MYO16: variants seen among roughly 807,000 people sequenced by gnomAD.
MYO16 encodes myosin XVI.
A neutral mutation model predicts 205.3 loss-of-function variants in MYO16; 94 were observed. The ratio of observed to expected loss-of-function variants is 0.46; its 90% CI spans 0.39 to 0.54. The LOEUF (loss-of-function observed/expected upper bound fraction) is 0.54. Ranked by LOEUF, MYO16 falls within the 20% of genes least tolerant of loss-of-function variation. The pLI, the probability that MYO16 is intolerant of heterozygous loss-of-function variation, is 0.00. For missense variants in MYO16, 2,315 were observed against 2,387.5 expected, an observed-to-expected ratio of 0.97 and a Z score of 0.63; for synonymous variants, 988 against 954.0, an observed-to-expected ratio of 1.04 and a Z score of -0.66.
At position 108,835,772 on chromosome 13, in the gene MYO16, C is replaced by T. The variant is rs190688362; in HGVS notation, c.1098-8571C>T. Among the ~76,000 whole-genome samples, 541 of 152,216 alleles carry T rather than the reference C, an allele frequency of 3.6e-3. 4 individuals are homozygous for T. Among genetic ancestry groups the T allele is most frequent in the Non-Finnish European group, 5.9e-3 (399 of 68,012 alleles). ...TGCTATGCTTTAGCAAAGAAACTGGCAGCATTTTGCCACGCCCTAAAGAAC... is the reference window on the plus strand; with the variant it reads ...TGCTATGCTTTAGCAAAGAAACTGGTAGCATTTTGCCACGCCCTAAAGAAC... On this transcript the variant is annotated intron_variant, in intron 9 of 34. Coordinates refer to ENST00000457511, the MANE Select transcript of MYO16 (RefSeq NM_001198950.3).
At chr13:108,963,781 T>C (rs1393552964) in intron 19 of MYO16, among the ~76,000 whole-genome samples, 3 of 152,124 alleles carry the variant, frequency 2.0e-5, no homozygotes, top group Non-Finnish European at 4.4e-5. Flanking sequence ...GTATCTATGA[T>C]TTCCTCTGCT....
intron 4 of MYO16, among the ~76,000 whole-genome samples, chr13:108,750,249 T>A (rs556926112): frequency 1.3e-5 from 2 of 152,298 alleles, no homozygotes; most frequent in East Asian, 3.9e-4. Context: ...TGAACCTTAA[T>A]GTATGTAAAC....
intron 6 of MYO16, among the ~76,000 whole-genome samples, chr13:108,798,325 G>A (rs1886852961): frequency 6.6e-6 from 1 of 152,270 alleles, no homozygotes; most frequent in East Asian, 1.9e-4. Context: ...AAATTGTTAT[G>A]TGCAAAAGAG....
At chr13:108,897,721 AGCTTGGG>A (rs1880497273) in intron 14 of MYO16, among the ~76,000 whole-genome samples, 1 of 152,164 alleles carries the variant, frequency 6.6e-6, no homozygotes. Context: ...ACATTTGTTA[AGCTTGGG>A]GCTGTGTGTG....
chr13:108,579,720 G>A, the MYO16 span, among the ~76,000 whole-genome samples: 8 of 152,148 alleles, frequency 5.3e-5, no homozygotes, highest in Non-Finnish European at 1.2e-4. Flanking sequence ...ATACAGGTGT[G>A]AGCCACCATG....
the MYO16 span, among the ~76,000 whole-genome samples, chr13:108,516,244 C>T: frequency 0.11 from 16,739 of 147,578 alleles, 1,128 homozygotes; most frequent in East Asian, 0.2. Flanking sequence ...ATTTTCCAGG[C>T]GCGTCCGTCA....
intron 12 of MYO16, among the ~76,000 whole-genome samples, chr13:108,879,789 C>T (rs1333564593): frequency 6.6e-6 from 1 of 152,144 alleles, no homozygotes; most frequent in African/African-American, 2.4e-5. Context: ...GATTCCAAGT[C>T]TTTGCCATTG....
intron 1 of MYO16, among the ~76,000 whole-genome samples, chr13:108,612,714 G>T (rs1879220103): frequency 6.6e-6 from 1 of 151,560 alleles, no homozygotes; most frequent in Admixed American, 6.6e-5. Flanking sequence ...GTTGGGAGGG[G>T]TAGGCTCTGA....
At chr13:108,520,392 A>G in the MYO16 span, among the ~76,000 whole-genome samples, 1 of 152,264 alleles carries the variant, frequency 6.6e-6, no homozygotes, top group Non-Finnish European at 1.5e-5. Context: ...AAAAAAATCC[A>G]ATTTATGTGT....
chr13:108,821,769 C>T (rs1875984116), intron 8 of MYO16, among the ~76,000 whole-genome samples: 1 of 152,136 alleles, frequency 6.6e-6, no homozygotes, highest in Admixed American at 6.6e-5. Context: ...GGTCTAGACT[C>T]AGCACTGGTC....
intron 14 of MYO16, 114 bp from the exon 15 acceptor site, chr13:108,897,901 AG>A: frequency 1.2e-6 from 1 of 829,072 alleles, no homozygotes; most frequent in East Asian, 2.5e-5. Flanking sequence ...GCATTCTATG[AG>A]CAGGATAGAA....
chr13:108,820,703 C>T (rs146596891), intron 8 of MYO16, among the ~76,000 whole-genome samples: 11 of 152,102 alleles, frequency 7.2e-5, no homozygotes, highest in Non-Finnish European at 1.3e-4. Flanking sequence ...GTGATTCATT[C>T]AGTGTAACGT....
At chr13:109,067,324 C>T (rs1366982814) in intron 27 of MYO16, among the ~76,000 whole-genome samples, 3 of 152,236 alleles carry the variant, frequency 2.0e-5, no homozygotes, top group Admixed American at 6.5e-5. Flanking sequence ...GCGCTAAGCC[C>T]TTCACAAGCA....
At chr13:108,605,464 G>A (rs1471198907) in intron 1 of MYO16, among the ~76,000 whole-genome samples, 1 of 152,162 alleles carries the variant, frequency 6.6e-6, no homozygotes, top group African/African-American at 2.4e-5. Context: ...GTTGGGTGAG[G>A]GTCCACGTGG....
intron 19 of MYO16, among the ~76,000 whole-genome samples, chr13:108,964,203 T>A (rs529137294): frequency 9.9e-5 from 15 of 152,274 alleles, no homozygotes; most frequent in African/African-American, 3.6e-4. Flanking sequence ...CCTTGCTCTT[T>A]TTTCCTTGGG....
intron 24 of MYO16, among the ~76,000 whole-genome samples, chr13:109,051,281 G>A (rs771898470): frequency 4.6e-5 from 7 of 152,006 alleles, no homozygotes; most frequent in Non-Finnish European, 8.8e-5. Context: ...TTAATGGAAA[G>A]CATTACAGAT....
rs1315331608 is a variant in MYO16, at chr13:108,871,993, C to G, written c.1425+5751C>G. 2.6e-5 allele frequency among the ~76,000 whole-genome samples: 4 copies of G among 152,202 alleles called. 1 individual carries two copies. The South Asian group carries it at 8.3e-4, about 32-fold the overall frequency. On this transcript the variant is annotated intron_variant, in intron 12 of 34. Coordinates refer to ENST00000457511, the MANE Select transcript of MYO16 (RefSeq NM_001198950.3). Reference sequence around the variant, plus strand: ...CATTACAGCTATAGGGTAAAGGAGACTACATCTGTTTTTATTGCATTGGTG... The same window carrying G: ...CATTACAGCTATAGGGTAAAGGAGAGTACATCTGTTTTTATTGCATTGGTG...
At chr13:108,585,429 G>C in the MYO16 span, among the ~76,000 whole-genome samples, 3 of 152,302 alleles carry the variant, frequency 2.0e-5, no homozygotes, top group South Asian at 6.2e-4. Flanking sequence ...TGAAGATAAA[G>C]GATTGTGGAA....
intron 4 of MYO16, among the ~76,000 whole-genome samples, chr13:108,753,688 G>A (rs144022454): frequency 8.1e-4 from 123 of 152,206 alleles, no homozygotes; most frequent in African/African-American, 2.6e-3. Flanking sequence ...CTACTGAGGC[G>A]CTCCTGGAGG....
Sources: allele counts gnomAD v4.1 joint callset (sites outside exome capture counted in the v4.1 genomes callset), GRCh38; gene constraint gnomAD v4.1.1; transcripts MANE v1.5; gene names NCBI Gene and HGNC (gene_info 2026-07-23, HGNC 2026-07-21).